Variants in ANKS1B observed in about 807,000 individuals in gnomAD.
ANKS1B encodes ankyrin repeat and sterile alpha motif domain-containing protein 1B.
ANKS1B carries 36 observed loss-of-function variants against 148.3 expected under a neutral mutation model. The observed-to-expected ratio is 0.24, with a 90% CI of 0.19 to 0.32. The LOEUF (loss-of-function observed/expected upper bound fraction) is 0.32, where lower values mean the gene tolerates loss of function less well. ANKS1B is among the 10% of genes least tolerant of loss of function. ANKS1B has a pLI of 1.00. For synonymous variants in ANKS1B, 542 were observed against 560.8 expected, an observed-to-expected ratio of 0.97 and a Z score of 0.47; for missense variants, 1,157 against 1,542.6, an observed-to-expected ratio of 0.75 and a Z score of 4.19.
intron 17 of ANKS1B, among the ~76,000 whole-genome samples, chr12:98,953,709 A>G (rs2099857821): frequency 6.6e-6 from 1 of 151,950 alleles, no homozygotes; most frequent in Non-Finnish European, 1.5e-5. Context: ...GATGAAATCC[A>G]TAGTCTTCAA....
chr12:99,409,397 G>A (rs962538052), intron 11 of ANKS1B, among the ~76,000 whole-genome samples: 2 of 152,104 alleles, frequency 1.3e-5, no homozygotes, highest in Non-Finnish European at 2.9e-5. Context: ...TAGTTAATGG[G>A]CTCAAAAATG....
chr12:99,027,948 CA>C (rs1490778462), intron 17 of ANKS1B, among the ~76,000 whole-genome samples: 4 of 152,130 alleles, frequency 2.6e-5, no homozygotes, highest in African/African-American at 9.7e-5. Flanking sequence ...ATGCATATAT[CA>C]AAAGATCTAT....
At chr12:99,005,128 A>C (rs1486364134) in intron 17 of ANKS1B, among the ~76,000 whole-genome samples, 1 of 152,198 alleles carries the variant, frequency 6.6e-6, no homozygotes, top group Non-Finnish European at 1.5e-5. Context: ...TGTAGAAGAG[A>C]GGCAGACACC....
intron 15 of ANKS1B, among the ~76,000 whole-genome samples, chr12:99,140,892 T>C (rs1456622851): frequency 1.3e-5 from 2 of 152,158 alleles, no homozygotes; most frequent in African/African-American, 2.4e-5. Context: ...TCTATCCTTA[T>C]ATCTTCTACA....
At chr12:99,789,176 C>T (rs1392818988) in intron 4 of ANKS1B, among the ~76,000 whole-genome samples, 1 of 152,168 alleles carries the variant, frequency 6.6e-6, no homozygotes, top group Non-Finnish European at 1.5e-5. Context: ...AAGACAGACT[C>T]TGTTTCTTTG....
At chr12:99,834,441 G>A (rs2153691721) in intron 1 of ANKS1B, among the ~76,000 whole-genome samples, 1 of 152,200 alleles carries the variant, frequency 6.6e-6, no homozygotes, top group African/African-American at 2.4e-5. Context: ...ACAATATGGG[G>A]TTGCCAATTA....
chr12:99,914,015 A>G (rs191734626), intron 1 of ANKS1B, among the ~76,000 whole-genome samples: 331 of 152,214 alleles, frequency 2.2e-3, no homozygotes, highest in African/African-American at 7.6e-3. Context: ...GTTCTCTTCC[A>G]CTGCTGTGGA....
At chr12:99,423,750 C>T (rs1231081659) in intron 11 of ANKS1B, among the ~76,000 whole-genome samples, 1 of 152,056 alleles carries the variant, frequency 6.6e-6, no homozygotes, top group Non-Finnish European at 1.5e-5. Flanking sequence ...GAAAACCAAA[C>T]ACCACATGTT....
At position 99,845,430 on chromosome 12, in the gene ANKS1B, T is replaced by A. The variant is rs116210027; in HGVS notation, c.135-20041A>T. On this transcript the variant is annotated intron_variant, in intron 1 of 26. Transcript: ENST00000683438. ...TACCTAGTTTACTGAGAGTTTGTAATATGAAGGGATGCTGAATTTTAGCAA... is the reference window on the plus strand; with the variant it reads ...TACCTAGTTTACTGAGAGTTTGTAAAATGAAGGGATGCTGAATTTTAGCAA... 7.8e-3 allele frequency among the ~76,000 whole-genome samples: 1,184 copies of A among 152,226 alleles called. 14 individuals are homozygous for A. The highest frequency in any genetic ancestry group is 0.027 in the African/African-American group (1,118 of 41,548).
intron 10 of ANKS1B, 71 bp from the exon 11 acceptor site, chr12:99,443,880 C>A: frequency 1.3e-6 from 2 of 1,508,034 alleles, no homozygotes; most frequent in Non-Finnish European, 1.8e-6. Flanking sequence ...AATTAATTTT[C>A]TGAACATAAA....
At chr12:99,539,008 T>C (rs1251187158) in intron 9 of ANKS1B, among the ~76,000 whole-genome samples, 6 of 152,212 alleles carry the variant, frequency 3.9e-5, no homozygotes, top group African/African-American at 1.4e-4. Context: ...ATATGGTTTT[T>C]ATCCTTCATT....
intron 21 of ANKS1B, 34 bp downstream of exon 21, chr12:98,800,963 C>T (rs770046313): frequency 1.9e-6 from 3 of 1,600,680 alleles, no homozygotes; most frequent in South Asian, 2.3e-5. Flanking sequence ...CCTATCTCCA[C>T]TTAGGCCCAA....
At chr12:98,770,302 A>G (rs1281616390) in intron 25 of ANKS1B, among the ~76,000 whole-genome samples, 6 of 152,242 alleles carry the variant, frequency 3.9e-5, no homozygotes, top group Admixed American at 2.6e-4. Context: ...TTTCTATGAC[A>G]TCAATCCAAC....
intron 1 of ANKS1B, among the ~76,000 whole-genome samples, chr12:99,880,761 T>C (rs1186420622): frequency 1.3e-5 from 2 of 152,198 alleles, no homozygotes; most frequent in African/African-American, 2.4e-5. Flanking sequence ...CTTCTTTGCA[T>C]GGATTGAAAG....
chr12:99,671,190 C>A (rs961723617), intron 8 of ANKS1B, among the ~76,000 whole-genome samples: 1 of 152,122 alleles, frequency 6.6e-6, no homozygotes, highest in Non-Finnish European at 1.5e-5. Flanking sequence ...GTGTATCCTG[C>A]AAGATGACTA....
intron 11 of ANKS1B, among the ~76,000 whole-genome samples, chr12:99,411,417 T>C (rs551047371): frequency 6.6e-6 from 1 of 152,336 alleles, no homozygotes; most frequent in East Asian, 1.9e-4. Context: ...TATTCCACAG[T>C]GTATATGTAC....
chr12:98,852,074 G>A (rs1483210878), intron 17 of ANKS1B, among the ~76,000 whole-genome samples: 1 of 147,894 alleles, frequency 6.8e-6, no homozygotes, highest in Non-Finnish European at 1.5e-5. Flanking sequence ...GATGATGGCA[G>A]AGTTGGTTTA....
At chr12:99,737,018 T>A (rs1414830785) in intron 8 of ANKS1B, among the ~76,000 whole-genome samples, 1 of 152,060 alleles carries the variant, frequency 6.6e-6, no homozygotes, top group Non-Finnish European at 1.5e-5. Context: ...TTAGAATGAC[T>A]ATTATTAAAA....
chr12:99,530,349 AC>A (rs1306841321), intron 9 of ANKS1B, among the ~76,000 whole-genome samples: 2 of 152,166 alleles, frequency 1.3e-5, no homozygotes, highest in African/African-American at 4.8e-5. Flanking sequence ...TACCTTACAT[AC>A]TTTCTGCAGG....
Sources: allele counts gnomAD v4.1 joint callset (sites outside exome capture counted in the v4.1 genomes callset), GRCh38; gene constraint gnomAD v4.1.1; transcripts MANE v1.5; gene names NCBI Gene and HGNC (gene_info 2026-07-23, HGNC 2026-07-21).